The following ARB2A variants were observed in gnomAD, a reference collection of about 807,000 sequenced individuals.
ARB2A encodes ARB2 cotranscriptional regulator A.
the ARB2A span, among the ~76,000 whole-genome samples, chr5:93,798,287 A>C: frequency 1.3e-5 from 2 of 152,080 alleles, no homozygotes; most frequent in African/African-American, 4.8e-5. Context: ...TTCCCACACA[A>C]CCACCAGCAC....
the ARB2A span, among the ~76,000 whole-genome samples, chr5:93,798,696 T>G: frequency 6.6e-6 from 1 of 152,128 alleles, no homozygotes; most frequent in Non-Finnish European, 1.5e-5. Flanking sequence ...GTGACTTAGG[T>G]GTCACCTCTA....
the ARB2A span, among the ~76,000 whole-genome samples, chr5:93,714,185 C>T: frequency 2.7e-4 from 41 of 152,274 alleles, no homozygotes; most frequent in East Asian, 2.5e-3. Flanking sequence ...AAATACAATT[C>T]GTTAAAACAT....
chr5:93,655,040 T>C, the ARB2A span, among the ~76,000 whole-genome samples: 9 of 152,308 alleles, frequency 5.9e-5, no homozygotes, highest in African/African-American at 1.7e-4. Context: ...TTCTAGCTTT[T>C]TGATTCTGCA....
At chr5:93,950,549 A>G in the ARB2A span, among the ~76,000 whole-genome samples, 1 of 152,122 alleles carries the variant, frequency 6.6e-6, no homozygotes, top group Non-Finnish European at 1.5e-5. Context: ...AGGCTGAGGC[A>G]TGAGAATCGC....
At chr5:93,714,742 C>T in the ARB2A span, among the ~76,000 whole-genome samples, 4 of 152,156 alleles carry the variant, frequency 2.6e-5, no homozygotes, top group Admixed American at 6.5e-5. Context: ...TGGCTTATGG[C>T]TCCACATAGT....
chr5:93,779,458 C>T, the ARB2A span, among the ~76,000 whole-genome samples: 1 of 151,924 alleles, frequency 6.6e-6, no homozygotes, highest in African/African-American at 2.4e-5. Context: ...CAAAGTGTTC[C>T]GAGTAGTGAT....
At chr5:94,095,289 T>C in the ARB2A span, among the ~76,000 whole-genome samples, 1 of 152,152 alleles carries the variant, frequency 6.6e-6, no homozygotes, top group African/African-American at 2.4e-5. Flanking sequence ...CAAGGCATTA[T>C]CATCCGTAAA....
At chr5:93,836,899 T>A in the ARB2A span, among the ~76,000 whole-genome samples, 2 of 152,122 alleles carry the variant, frequency 1.3e-5, no homozygotes, top group African/African-American at 4.8e-5. Flanking sequence ...CAAAAAAAAG[T>A]CTATAAGCTG....
chr5:93,908,270 A>C, the ARB2A span, among the ~76,000 whole-genome samples: 1 of 151,188 alleles, frequency 6.6e-6, no homozygotes, highest in East Asian at 1.9e-4. Flanking sequence ...CAAATAAAAT[A>C]TATTAAGCTA....
the ARB2A span, among the ~76,000 whole-genome samples, chr5:93,627,249 C>T: frequency 6.6e-6 from 1 of 152,110 alleles, no homozygotes. Context: ...AGACGTTCAT[C>T]CATGAGTGCT....
the ARB2A span, among the ~76,000 whole-genome samples, chr5:93,990,289 A>C: frequency 6.6e-6 from 1 of 152,130 alleles, no homozygotes; most frequent in African/African-American, 2.4e-5. Flanking sequence ...TAATATCAGC[A>C]ACTACATTAT....
the ARB2A span, among the ~76,000 whole-genome samples, chr5:93,810,195 G>T: frequency 1.1e-3 from 152 of 136,832 alleles, 4 homozygotes; most frequent in South Asian, 0.035. Context: ...TGTAGGTTTC[G>T]TTTTTTTTTT....
chr5:93,846,038 A>G, the ARB2A span, among the ~76,000 whole-genome samples: 27 of 117,382 alleles, frequency 2.3e-4, no homozygotes, highest in African/African-American at 8.3e-4. Context: ...CACACACACA[A>G]TCACACAACC....
chr5:93,976,235 C>T, the ARB2A span, among the ~76,000 whole-genome samples: 1 of 151,824 alleles, frequency 6.6e-6, no homozygotes, highest in Non-Finnish European at 1.5e-5. Context: ...TGATAAAAAC[C>T]CTCAACAAAC....
At chr5:93,788,755 T>C in the ARB2A span, among the ~76,000 whole-genome samples, 8 of 152,210 alleles carry the variant, frequency 5.3e-5, no homozygotes, top group Admixed American at 4.6e-4. Context: ...TAATTTACTT[T>C]GAAGGCAGGG....
chr5:94,010,687 A>G, the ARB2A span, among the ~76,000 whole-genome samples: 7 of 151,982 alleles, frequency 4.6e-5, no homozygotes, highest in Non-Finnish European at 8.8e-5. Context: ...CTTAACCTCA[A>G]TCTCACTTTC....
chr5:94,060,714 A>G, the ARB2A span, among the ~76,000 whole-genome samples: 1 of 152,328 alleles, frequency 6.6e-6, no homozygotes, highest in African/African-American at 2.4e-5. Flanking sequence ...ACAAAAAAAG[A>G]ACACCCCAGT....
the ARB2A span, among the ~76,000 whole-genome samples, chr5:93,826,189 A>G: frequency 3.9e-5 from 6 of 152,220 alleles, no homozygotes; most frequent in African/African-American, 1.4e-4. Context: ...AATAATACTG[A>G]TCAAAAAGCA....
At chr5:93,769,314 A>G in the ARB2A span, among the ~76,000 whole-genome samples, 28 of 152,206 alleles carry the variant, frequency 1.8e-4, no homozygotes, top group Non-Finnish European at 4.0e-4. Flanking sequence ...CTGAAGATCC[A>G]TTACTAATTT....
Sources: gnomAD v4.1 joint callset for allele counts (sites outside exome capture counted in the v4.1 genomes callset) on GRCh38, gnomAD v4.1.1 for gene constraint, MANE v1.5 for transcripts, NCBI Gene and HGNC (gene_info 2026-07-23, HGNC 2026-07-21) for gene names.